The following CNTNAP2 variants were observed in gnomAD, a reference collection of about 807,000 sequenced individuals.
CNTNAP2 encodes contactin associated protein 2, also known as contactin-associated protein-like 2.
A neutral mutation model predicts 155.2 loss-of-function variants in CNTNAP2; 98 were observed. The ratio of observed to expected loss-of-function variants is 0.63; its 90% CI spans 0.54 to 0.75. The LOEUF is 0.75. Ranked by LOEUF, CNTNAP2 falls within the 30% of genes least tolerant of loss-of-function variation. The pLI is 0.00. For missense variants in CNTNAP2, 1,727 were observed against 1,688.1 expected (o/e 1.02, Z -0.40); for synonymous variants, 651 against 631.2 (o/e 1.03, Z -0.47).
chr7:147,861,860 A>T (rs1372173570), intron 13 of CNTNAP2, among the ~76,000 whole-genome samples: 1 of 151,948 alleles, frequency 6.6e-6, no homozygotes, highest in Non-Finnish European at 1.5e-5. Flanking sequence ...TAATAAAAAT[A>T]TAAAAATTAC....
chr7:148,122,867 A>AAAAAAAAAAAAAAAG (rs543029148), intron 16 of CNTNAP2, among the ~76,000 whole-genome samples: 2 of 150,724 alleles, frequency 1.3e-5, no homozygotes, highest in African/African-American at 4.9e-5. Context: ...AAAAAAAAAG[A>AAAAAAAAAAAAAAAG]AAAAAAAAGA....
intron 1 of CNTNAP2, among the ~76,000 whole-genome samples, chr7:146,478,732 T>A (rs1456659707): frequency 6.6e-6 from 1 of 151,888 alleles, no homozygotes; most frequent in African/African-American, 2.4e-5. Context: ...GCACAGCACA[T>A]ATTAAACACA....
intron 10 of CNTNAP2, among the ~76,000 whole-genome samples, chr7:147,427,345 T>C (rs1797394716): frequency 1.3e-5 from 2 of 152,058 alleles, no homozygotes; most frequent in South Asian, 4.2e-4. Flanking sequence ...CAGAAATCAG[T>C]CTTACCTGGA....
intron 12 of CNTNAP2, among the ~76,000 whole-genome samples, chr7:147,630,057 A>C (rs533114751): frequency 7.2e-5 from 11 of 151,874 alleles, no homozygotes; most frequent in Admixed American, 3.3e-4. Flanking sequence ...AGATAAACAT[A>C]ATTGATAGAC....
chr7:146,464,027 C>T (rs1212720778), intron 1 of CNTNAP2, among the ~76,000 whole-genome samples: 1 of 151,952 alleles, frequency 6.6e-6, no homozygotes, highest in Admixed American at 6.6e-5. Flanking sequence ...TTTGATCCTG[C>T]TATTATTTTA....
intron 1 of CNTNAP2, among the ~76,000 whole-genome samples, chr7:146,668,445 T>G (rs941015142): frequency 3.5e-5 from 5 of 143,786 alleles, no homozygotes; most frequent in Non-Finnish European, 6.3e-5. Flanking sequence ...TGTGTGTGTG[T>G]GTGTGTGTGT....
chr7:147,086,996 T>G (rs1302076823), intron 4 of CNTNAP2, among the ~76,000 whole-genome samples: 2 of 152,116 alleles, frequency 1.3e-5, no homozygotes, highest in African/African-American at 4.8e-5. Flanking sequence ...AATGTTGTGG[T>G]TTGTAGGAAA....
intron 21 of CNTNAP2, among the ~76,000 whole-genome samples, chr7:148,332,959 A>T (rs892807912): frequency 6.6e-6 from 1 of 152,210 alleles, no homozygotes; most frequent in African/African-American, 2.4e-5. Flanking sequence ...TTCTAGTGTG[A>T]GTACTACCAC....
chr7:148,166,031 A>G (rs1404118147), intron 17 of CNTNAP2, among the ~76,000 whole-genome samples: 1 of 151,876 alleles, frequency 6.6e-6, no homozygotes, highest in Non-Finnish European at 1.5e-5. Flanking sequence ...GGACGAGCTC[A>G]TGATCCCCTT....
chr7:147,793,159 T>C (rs548732035), intron 13 of CNTNAP2, among the ~76,000 whole-genome samples: 17 of 152,258 alleles, frequency 1.1e-4, no homozygotes, highest in Non-Finnish European at 2.2e-4. Context: ...ATTAACAGTA[T>C]CTTTTGACGC....
At chr7:147,661,555 C>CTT (rs71937773) in intron 13 of CNTNAP2, among the ~76,000 whole-genome samples, 4 of 139,584 alleles carry the variant, frequency 2.9e-5, no homozygotes, top group African/African-American at 8.1e-5. Context: ...TCTTCTTCTT[C>CTT]TTTTTTTTTT....
At chr7:146,876,373 G>A (rs1207245421) in intron 3 of CNTNAP2, among the ~76,000 whole-genome samples, 1 of 151,908 alleles carries the variant, frequency 6.6e-6, no homozygotes, top group South Asian at 2.1e-4. Flanking sequence ...ATTTATTTTG[G>A]AATTTTTCTC....
intron 1 of CNTNAP2, among the ~76,000 whole-genome samples, chr7:146,531,479 A>T (rs1797768401): frequency 6.6e-6 from 1 of 152,192 alleles, no homozygotes; most frequent in Non-Finnish European, 1.5e-5. Flanking sequence ...ATGTTAAGAT[A>T]ATCAGTAAAT....
chr7:148,329,072 G>A (rs1307322871), intron 21 of CNTNAP2, among the ~76,000 whole-genome samples: 1 of 151,296 alleles, frequency 6.6e-6, no homozygotes, highest in African/African-American at 2.4e-5. Flanking sequence ...TGCTGCCTGG[G>A]GCTGCTGGCC....
chr7:146,788,220 G>C (rs1802610730), intron 2 of CNTNAP2, among the ~76,000 whole-genome samples: 1 of 152,204 alleles, frequency 6.6e-6, no homozygotes. Context: ...AGAGGGAGCG[G>C]ACTCTTGCCT....
chr7:146,793,451 T>C (rs542348691), intron 2 of CNTNAP2, among the ~76,000 whole-genome samples: 1 of 152,336 alleles, frequency 6.6e-6, no homozygotes, highest in African/African-American at 2.4e-5. Context: ...GTGCAGGGTG[T>C]AATCATATGC....
intron 8 of CNTNAP2, among the ~76,000 whole-genome samples, chr7:147,201,115 T>C (rs969264832): frequency 4.6e-5 from 7 of 152,162 alleles, no homozygotes; most frequent in Admixed American, 1.3e-4. Flanking sequence ...TCGGCCAGGA[T>C]GTGGGGCAGT....
At chr7:146,692,439 T>C (rs978946186) in intron 1 of CNTNAP2, among the ~76,000 whole-genome samples, 3 of 152,188 alleles carry the variant, frequency 2.0e-5, no homozygotes, top group African/African-American at 7.2e-5. Flanking sequence ...TTGCTAATTG[T>C]GGGTGCTTTC....
chr7:147,790,041 A>T (rs1339171418), intron 13 of CNTNAP2, among the ~76,000 whole-genome samples: 1 of 152,092 alleles, frequency 6.6e-6, no homozygotes, highest in Non-Finnish European at 1.5e-5. Flanking sequence ...TTTCATATAT[A>T]CATATATCCT....
Sources: gnomAD v4.1 joint callset for allele counts (sites outside exome capture counted in the v4.1 genomes callset) on GRCh38, gnomAD v4.1.1 for gene constraint, MANE v1.5 for transcripts, NCBI Gene and HGNC (gene_info 2026-07-23, HGNC 2026-07-21) for gene names.